Variants in PDE1A observed in about 807,000 individuals in gnomAD.
PDE1A encodes the protein phosphodiesterase 1A.
A neutral mutation model predicts 61.7 loss-of-function variants in PDE1A; 35 were observed. That is an observed-to-expected ratio of 0.57 (90% confidence interval 0.43 to 0.75). PDE1A has a LOEUF of 0.75. Among genes scored for constraint, PDE1A ranks in the 30% least tolerant of loss-of-function variants. The pLI, the probability that PDE1A is intolerant of heterozygous loss-of-function variation, is 0.00. For missense variants in PDE1A, 597 were observed against 630.6 expected, an observed-to-expected ratio of 0.95 and a Z score of 0.57; for synonymous variants, 232 against 213.2, an observed-to-expected ratio of 1.09 and a Z score of -0.77.
the PDE1A span, among the ~76,000 whole-genome samples, chr2:182,669,461 A>G: frequency 6.6e-6 from 1 of 152,170 alleles, no homozygotes; most frequent in South Asian, 2.1e-4. Context: ...TCCATGTATT[A>G]AAAGTTGGAA....
chr2:182,577,931 C>A, the PDE1A span, among the ~76,000 whole-genome samples: 31 of 82,214 alleles, frequency 3.8e-4, no homozygotes, highest in African/African-American at 1.5e-3. Context: ...AGAAAGAAAA[C>A]GGAAGGAAGG....
At chr2:182,290,239 A>G (rs1437152727) in intron 1 of PDE1A, among the ~76,000 whole-genome samples, 1 of 152,124 alleles carries the variant, frequency 6.6e-6, no homozygotes, top group Non-Finnish European at 1.5e-5. Flanking sequence ...ATTAATGCCA[A>G]AACTTGAGAA....
At chr2:182,291,064 C>T (rs947735957) in intron 1 of PDE1A, among the ~76,000 whole-genome samples, 1 of 151,998 alleles carries the variant, frequency 6.6e-6, no homozygotes, top group Non-Finnish European at 1.5e-5. Context: ...TCCATTTAAA[C>T]TTTCCTCTTC....
chr2:182,159,859 A>G (rs1289256241), intron 13 of PDE1A, among the ~76,000 whole-genome samples: 1 of 152,160 alleles, frequency 6.6e-6, no homozygotes, highest in African/African-American at 2.4e-5. Flanking sequence ...AGACTGAGGC[A>G]GGAGGATTTC....
intron 2 of PDE1A, among the ~76,000 whole-genome samples, chr2:182,504,815 C>T (rs1028969982): frequency 6.6e-6 from 1 of 152,166 alleles, no homozygotes; most frequent in African/African-American, 2.4e-5. Flanking sequence ...TGACTATTGT[C>T]CAAGCTTCAT....
At chr2:182,715,320 A>T in the PDE1A span, among the ~76,000 whole-genome samples, 1 of 152,182 alleles carries the variant, frequency 6.6e-6, no homozygotes, top group Non-Finnish European at 1.5e-5. Flanking sequence ...CCAGTTCCTG[A>T]GACATATTAA....
intron 1 of PDE1A, among the ~76,000 whole-genome samples, chr2:182,316,104 A>C (rs1162148989): frequency 6.6e-6 from 1 of 152,192 alleles, no homozygotes; most frequent in African/African-American, 2.4e-5. Context: ...GACCTTGCTA[A>C]GCAGATGCAT....
At chr2:182,656,961 A>C in the PDE1A span, among the ~76,000 whole-genome samples, 7 of 152,208 alleles carry the variant, frequency 4.6e-5, no homozygotes, top group Admixed American at 6.5e-5. Context: ...GCGGTGGCTC[A>C]TGCCTGTAAT....
the PDE1A span, among the ~76,000 whole-genome samples, chr2:182,576,852 T>C: frequency 6.6e-6 from 1 of 152,176 alleles, no homozygotes; most frequent in African/African-American, 2.4e-5. Flanking sequence ...TCTGTAATGA[T>C]TGGTGATTAT....
At chr2:182,350,083 C>A (rs1449599356) in intron 1 of PDE1A, among the ~76,000 whole-genome samples, 1 of 152,082 alleles carries the variant, frequency 6.6e-6, no homozygotes, top group Non-Finnish European at 1.5e-5. Context: ...CCGAGTGTAA[C>A]CATTACTGTG....
the PDE1A span, among the ~76,000 whole-genome samples, chr2:182,551,140 T>C: frequency 6.6e-6 from 1 of 151,686 alleles, no homozygotes; most frequent in African/African-American, 2.4e-5. Flanking sequence ...AAATTATAAA[T>C]TGCATAATCT....
the PDE1A span, among the ~76,000 whole-genome samples, chr2:182,589,740 G>A: frequency 6.6e-6 from 1 of 152,110 alleles, no homozygotes; most frequent in African/African-American, 2.4e-5. Flanking sequence ...TACAAATCGA[G>A]AATACTCTCA....
chr2:182,424,582 G>A (rs1703487613), intron 1 of PDE1A, among the ~76,000 whole-genome samples: 1 of 152,170 alleles, frequency 6.6e-6, no homozygotes, highest in South Asian at 2.1e-4. Context: ...ACGAAGTGAG[G>A]CATGAGATAA....
chr2:182,229,918 G>A (rs1240550527), intron 6 of PDE1A, 88 bp downstream of exon 6: 3 of 911,580 alleles, frequency 3.3e-6, no homozygotes, highest in Non-Finnish European at 3.4e-6. Context: ...ATACCTCTAT[G>A]GGCATTAAAG....
At chr2:182,600,247 C>A in the PDE1A span, among the ~76,000 whole-genome samples, 1 of 152,136 alleles carries the variant, frequency 6.6e-6, no homozygotes, top group Non-Finnish European at 1.5e-5. Flanking sequence ...CCATCTGTTG[C>A]AGAATATTCA....
chr2:182,356,823 C>A (rs1267245426), intron 1 of PDE1A, among the ~76,000 whole-genome samples: 1 of 152,148 alleles, frequency 6.6e-6, no homozygotes, highest in African/African-American at 2.4e-5. Context: ...AAATGTAGCA[C>A]ATATACACCA....
intron 10 of PDE1A, among the ~76,000 whole-genome samples, chr2:182,191,918 C>T (rs1685732657): frequency 6.6e-6 from 1 of 151,444 alleles, no homozygotes; most frequent in South Asian, 2.1e-4. Flanking sequence ...TGCAATGGCG[C>T]AATCTTGGTT....
intron 2 of PDE1A, among the ~76,000 whole-genome samples, chr2:182,461,508 T>C (rs777037522): frequency 7.9e-5 from 12 of 152,064 alleles, no homozygotes; most frequent in Non-Finnish European, 1.6e-4. Flanking sequence ...AATAACCAAA[T>C]AGGAAACAAA....
At chr2:182,177,743 AT>A (rs200864203) in intron 13 of PDE1A, among the ~76,000 whole-genome samples, 6,201 of 146,936 alleles carry the variant, frequency 0.042, 431 homozygotes, top group African/African-American at 0.14. Flanking sequence ...TAATAAAAAA[AT>A]GTCTTTTTTG....
Sources: allele counts gnomAD v4.1 joint callset (sites outside exome capture counted in the v4.1 genomes callset), GRCh38; gene constraint gnomAD v4.1.1; transcripts MANE v1.5; gene names NCBI Gene and HGNC (gene_info 2026-07-23, HGNC 2026-07-21).